SACS: variants seen among roughly 807,000 people sequenced by gnomAD.
SACS encodes the protein sacsin.
Under a neutral mutation model 348.0 loss-of-function variants are expected in SACS, and 197 were observed. The observed-to-expected ratio is 0.57, with a 90% CI of 0.50 to 0.64. The LOEUF is 0.64. SACS is among the 30% of genes least tolerant of loss of function. The pLI, the probability that SACS is intolerant of heterozygous loss-of-function variation, is 0.00. For synonymous variants in SACS, 1,985 were observed against 1,910.6 expected, an observed-to-expected ratio of 1.04 and a Z score of -1.02; for missense variants, 4,999 against 5,360.8, an observed-to-expected ratio of 0.93 and a Z score of 2.11.
At position 23,420,134 on chromosome 13, in the gene SACS, G is replaced by A. The variant is rs77088539; in HGVS notation, c.-501-8394C>T. Among the ~76,000 whole-genome samples the A allele has an allele frequency of 7.6e-4, 115 of 151,940 alleles. No individual in the cohort carries two copies. In the East Asian group the frequency reaches 0.019, roughly 25 times the overall value. On this transcript the variant is annotated intron_variant, in intron 1 of 9. Transcript: ENST00000382292. The stretch of plus-strand genomic sequence containing the variant: ...GTCCACCTGTGGTGTGGGTATCCAC[G>A]TTGGGCCTGTGTGTCAATCTGGTGC...
chr13:23,391,982 T>C (rs931492377), intron 2 of SACS, among the ~76,000 whole-genome samples: 1 of 152,254 alleles, frequency 6.6e-6, no homozygotes, highest in African/African-American at 2.4e-5. Flanking sequence ...AGATGCAGAC[T>C]GCAAATACTC....
chr13:23,392,065 A>G (rs1872546277), intron 2 of SACS, among the ~76,000 whole-genome samples: 1 of 152,186 alleles, frequency 6.6e-6, no homozygotes, highest in East Asian at 1.9e-4. Flanking sequence ...TGGAGCCCGG[A>G]GCTGGGAGCT....
At chr13:23,390,820 C>T (rs541761482) in intron 2 of SACS, among the ~76,000 whole-genome samples, 1 of 152,292 alleles carries the variant, frequency 6.6e-6, no homozygotes, top group African/African-American at 2.4e-5. Flanking sequence ...TTCCAGTGCC[C>T]GCAGATGTTA....
chr13:23,349,954 T>C (rs1449672273), intron 9 of SACS, among the ~76,000 whole-genome samples: 2 of 152,184 alleles, frequency 1.3e-5, no homozygotes, highest in East Asian at 1.9e-4. Flanking sequence ...TGGGAGTGGA[T>C]GAATGTATTC....
intron 1 of SACS, among the ~76,000 whole-genome samples, chr13:23,432,428 G>C (rs1035267235): frequency 6.6e-6 from 1 of 152,174 alleles, no homozygotes. Context: ...GAGAAGAAAG[G>C]ATGAAAGGGA....
chr13:23,356,118 T>C, intron 7 of SACS, 111 bp from the exon 8 acceptor site: 1 of 874,620 alleles, frequency 1.1e-6, no homozygotes, highest in Non-Finnish European at 1.8e-6. Flanking sequence ...CTAAAACAGA[T>C]TTATCTAAAC....
intron 2 of SACS, among the ~76,000 whole-genome samples, chr13:23,381,355 GCACACACACACACA>G (rs71100174): frequency 1.7e-4 from 24 of 139,974 alleles, no homozygotes; most frequent in Middle Eastern, 3.3e-3. Flanking sequence ...GCAGCACGAA[GCACACACACACACA>G]CACACACACA....
At chr13:23,347,603 T>C (rs1024938495) in intron 9 of SACS, among the ~76,000 whole-genome samples, 12 of 152,144 alleles carry the variant, frequency 7.9e-5, no homozygotes, top group South Asian at 2.1e-4. Context: ...GCTAGAGATA[T>C]AGAAATGGAC....
intron 2 of SACS, among the ~76,000 whole-genome samples, chr13:23,378,414 A>ATGAGG (rs1373831701): frequency 6.6e-6 from 1 of 152,154 alleles, no homozygotes; most frequent in Non-Finnish European, 1.5e-5. Context: ...TTAAAACCAC[A>ATGAGG]TGAGGTTTTT....
Position 23,354,590 on chromosome 13 carries a change from G to A in SACS, c.2022C>T (p.Gly674=). ...CAGATGAGGAGAAGGGGACAAAATT[G>A]CCATTTTGTAAAGGGAGCAGCTCCA... ...LGLELLPLQN[G]NFVPFSSSVS... is the part of the protein sequence containing the mutation. The change falls in exon 8 of 10, where the codon GGC becomes GGT. Residue 674 remains glycine, a synonymous_variant. Transcript: ENST00000382292. The A allele has an allele frequency of 1.2e-6, 2 of 1,614,172 alleles. No homozygotes were observed. The highest frequency in any genetic ancestry group is 1.1e-5 in the South Asian group (1 of 91,086).
At chr13:23,422,366 G>A (rs17342840) in intron 1 of SACS, among the ~76,000 whole-genome samples, 3,001 of 152,140 alleles carry the variant, frequency 0.02, 98 homozygotes, top group African/African-American at 0.068. Flanking sequence ...ACATTTTATC[G>A]TTTTATACAA....
At position 23,337,681 on chromosome 13, in the gene SACS, A is replaced by G. The variant is rs4143768; in HGVS notation, c.6195T>C (p.Ile2065=). 423,266 of 1,612,498 alleles carry G rather than the reference A, an allele frequency of 0.26. 58,136 individuals carry two copies. The highest frequency in any genetic ancestry group is 0.37 in the Admixed American group (21,862 of 59,814). The change falls in exon 10 of 10, where the codon ATT becomes ATC. Residue 2065 remains isoleucine (I), a synonymous_variant. Transcript: ENST00000382292. ...QFFSEVFFPN[I]QEIEAELRDP... is the part of the protein sequence containing the mutation. ...CTCTAAGTTCTGCTTCAATTTCTTG[A>G]ATATTTGGAAAAAACACTTCAGAAA...
chr13:23,386,771 T>C (rs147965409), intron 2 of SACS, among the ~76,000 whole-genome samples: 1 of 152,308 alleles, frequency 6.6e-6, no homozygotes, highest in African/African-American at 2.4e-5. Flanking sequence ...GACTTGCAAC[T>C]CTTCCTTTCA....
At chr13:23,380,148 T>TGTGTGTGTGTGTGTGAGA (rs35527942) in intron 2 of SACS, among the ~76,000 whole-genome samples, 1 of 147,672 alleles carries the variant, frequency 6.8e-6, no homozygotes, top group Non-Finnish European at 1.5e-5. Context: ...TGTGTGTGTG[T>TGTGTGTGTGTGTGTGAGA]GAGAGAGAGA....
rs1466963577 is a variant in SACS at position 23,380,154 on chromosome 13, A to T, written c.21-4885T>A. Among the ~76,000 whole-genome samples the T allele has an allele frequency of 3.5e-3, 380 of 107,084 alleles. 2 individuals carry two copies. The highest frequency in any genetic ancestry group is 0.012 in the African/African-American group (308 of 26,754). 70.3% of individuals were successfully genotyped at this position (107,084 alleles called of 152,430 possible). On this transcript the variant is annotated intron_variant, in intron 2 of 9. Coordinates refer to ENST00000382292, the MANE Select transcript of SACS (RefSeq NM_014363.6). Reference sequence around the variant, plus strand: ...GTGTGTGTGTGTGTGTGTGTGAGAGAGAGAGAGAGAGAGAGAAAGAGAGGG... The same window carrying T: ...GTGTGTGTGTGTGTGTGTGTGAGAGTGAGAGAGAGAGAGAGAAAGAGAGGG...
chr13:23,418,102 A>C (rs1024137012), intron 1 of SACS, among the ~76,000 whole-genome samples: 1 of 151,972 alleles, frequency 6.6e-6, no homozygotes, highest in African/African-American at 2.4e-5. Flanking sequence ...TAAAATTAAG[A>C]ATTTCTGCTC....
chr13:23,383,252 A>G (rs891459990), intron 2 of SACS, among the ~76,000 whole-genome samples: 2 of 152,080 alleles, frequency 1.3e-5, no homozygotes, highest in African/African-American at 4.8e-5. Flanking sequence ...CACGATAAAT[A>G]TCGTTTGGCT....
intron 2 of SACS, among the ~76,000 whole-genome samples, chr13:23,391,026 C>T (rs73443001): frequency 6.6e-6 from 1 of 152,352 alleles, no homozygotes; most frequent in African/African-American, 2.4e-5. Flanking sequence ...GACGCCACCA[C>T]AGGCCGTGCC....
chr13:23,332,377 G>C lies in SACS; in HGVS notation c.11499C>G (p.Gly3833=). The C allele has an allele frequency of 1.2e-6, 2 of 1,613,860 alleles. No individual in the cohort carries two copies. The highest frequency in any genetic ancestry group is 2.2e-5 in the South Asian group (2 of 91,066). ...PYLYKLPLEL[G]TFHQLFKHLG... is the part of the protein sequence containing the mutation. ...AGTGTTTGAACAACTGGTGAAATGT[G>C]CCAAGTTCTAAAGGTAGCTTGTACA... The change falls in exon 10 of 10, where the codon GGC becomes GGG. Residue 3833 remains glycine (G), a synonymous_variant. Coordinates refer to ENST00000382292, the MANE Select transcript of SACS (RefSeq NM_014363.6).
Sources: gnomAD v4.1 joint callset for allele counts (sites outside exome capture counted in the v4.1 genomes callset) on GRCh38, gnomAD v4.1.1 for gene constraint, MANE v1.5 for transcripts, NCBI Gene and HGNC (gene_info 2026-07-23, HGNC 2026-07-21) for gene names.